SLFN12L: variants seen among roughly 807,000 people sequenced by gnomAD.
The protein encoded by SLFN12L is schlafen family member 12 like.
A neutral mutation model predicts 34.8 loss-of-function variants in SLFN12L; 34 were observed. The observed-to-expected ratio is 0.98, with a 90% CI of 0.74 to 1.30. The LOEUF (loss-of-function observed/expected upper bound fraction) is 1.30, where lower values mean the gene tolerates loss of function less well. SLFN12L is among the 50% of genes most tolerant of loss of function. The pLI is 0.00. For missense variants in SLFN12L, 703 were observed against 696.2 expected (o/e 1.01, Z -0.11); for synonymous variants, 259 against 247.5 (o/e 1.05, Z -0.44).
intron 2 of SLFN12L, among the ~76,000 whole-genome samples, chr17:35,505,322 C>T (rs1036622831): frequency 1.3e-4 from 20 of 152,130 alleles, no homozygotes; most frequent in Non-Finnish European, 2.9e-5. Context: ...GACTGTGGGG[C>T]CCTGGCTGAG....
chr17:35,475,615 A>G lies in SLFN12L; in HGVS notation c.1277-130T>C, dbSNP rs1465236776. On this transcript the variant is annotated intron_variant, in intron 4 of 4. Transcript: ENST00000628453. ...TATAAAAGCTATGTAAAAGTGTATC[A>G]GGGCCAGGCATGGTGGCTCACACCT... The G allele has an allele frequency of 2.5e-5, 35 of 1,377,326 alleles. No homozygotes were observed. In the Admixed American group the frequency reaches 8.3e-4, roughly 33 times the overall value. The allele number at this position is 1,377,326 out of a possible 1,614,324, so 85.3% of individuals were successfully genotyped here. A position where few individuals can be genotyped will look rare whatever the true frequency, so the allele number is the denominator to read the frequency against.
chr17:35,524,298 G>A (rs892950548), intron 1 of SLFN12L, among the ~76,000 whole-genome samples: 2 of 152,206 alleles, frequency 1.3e-5, no homozygotes, highest in African/African-American at 4.8e-5. Context: ...TGGGTGCAGT[G>A]TCAGCAGACT....
chr17:35,476,481 GGAAGGAAGGAAGGAA>G (rs1914018243), intron 4 of SLFN12L, among the ~76,000 whole-genome samples: 1 of 134,050 alleles, frequency 7.5e-6, no homozygotes, highest in African/African-American at 3.0e-5. Context: ...AAGGAAGGAA[GGAAGGAAGGAAGGAA>G]GGAAGGAAGG....
intron 2 of SLFN12L, among the ~76,000 whole-genome samples, chr17:35,492,307 T>C (rs1914868741): frequency 6.6e-6 from 1 of 152,080 alleles, no homozygotes; most frequent in Admixed American, 6.5e-5. Flanking sequence ...GGGTGACCCA[T>C]TGGAAAGGAG....
chr17:35,491,356 G>A, intron 2 of SLFN12L: 1 of 431,678 alleles, frequency 2.3e-6, no homozygotes. Context: ...GTATCATGAA[G>A]TAAACTACAA....
At position 35,480,123 on chromosome 17, in the gene SLFN12L, A is replaced by C. The variant is rs1317071198; in HGVS notation, c.159T>G (p.Tyr53Ter). The C allele has an allele frequency of 1.2e-5, 20 of 1,613,660 alleles. No individual in the cohort carries two copies. The highest frequency in any genetic ancestry group is 1.6e-5 in the Non-Finnish European group (19 of 1,179,918). Residue 53 changes from tyrosine (Y) to a stop codon, truncating the protein, a stop_gained, in exon 3 of 5, where the codon TAT becomes TAG. Transcript: ENST00000628453. LOFTEE classifies it high-confidence loss of function. ...MNISIDLDTN[Y>*]AELVLNVGRV... ...TTCCCACATTTAGAACCAGCTCAGC[A>C]TAGTTTGTGTCTAAATCAATACTGA...
At chr17:35,535,440 G>A (rs571690112) in intron 1 of SLFN12L, among the ~76,000 whole-genome samples, 309 of 148,594 alleles carry the variant, frequency 2.1e-3, no homozygotes, top group Non-Finnish European at 3.4e-3. Flanking sequence ...CAGGTGATCC[G>A]CCCACCTCAG....
chr17:35,476,481 GGAAGGAA>G (rs1914018113), intron 4 of SLFN12L, among the ~76,000 whole-genome samples: 1 of 134,050 alleles, frequency 7.5e-6, no homozygotes, highest in Non-Finnish European at 1.5e-5. Context: ...AAGGAAGGAA[GGAAGGAA>G]GGAAGGAAGG....
rs1916037518 is a variant in SLFN12L at position 35,522,781 on chromosome 17, G to C, written c.-417C>G. 6.3e-7 allele frequency: 1 copy of C among 1,585,418 alleles called. No individual in the cohort carries two copies. Among genetic ancestry groups the C allele is most frequent in the Non-Finnish European group, 8.6e-7 (1 of 1,157,174 alleles). ...CTGCCAGGGCTGTTCTATGCTATCA[G>C]CAGAGCATCACAGATGACTCCTGGC... On this transcript the variant is annotated 5_prime_UTR_variant, in exon 2 of 5. Coordinates refer to ENST00000628453, the MANE Select transcript of SLFN12L (RefSeq NM_001363830.2).
intron 2 of SLFN12L, chr17:35,487,751 C>G (rs756642574): frequency 2.5e-5 from 39 of 1,535,992 alleles, no homozygotes; most frequent in Non-Finnish European, 3.3e-5. Flanking sequence ...TCTGCGCACT[C>G]TTCACCAAGT....
At chr17:35,489,596 A>G (rs1347049340) in intron 2 of SLFN12L, among the ~76,000 whole-genome samples, 2 of 152,044 alleles carry the variant, frequency 1.3e-5, no homozygotes, top group African/African-American at 4.8e-5. Context: ...ATGCAGCAAT[A>G]TACCCCCCAA....
intron 2 of SLFN12L, among the ~76,000 whole-genome samples, chr17:35,497,054 C>T (rs1046766764): frequency 2.0e-5 from 3 of 152,236 alleles, no homozygotes; most frequent in Admixed American, 2.0e-4. Flanking sequence ...ATTGCTTGAG[C>T]CTAGGCAGCC....
At chr17:35,505,750 T>G (rs1049374218) in intron 2 of SLFN12L, among the ~76,000 whole-genome samples, 4 of 152,062 alleles carry the variant, frequency 2.6e-5, no homozygotes, top group Admixed American at 2.6e-4. Flanking sequence ...CCCTGTAAAG[T>G]GACTCTGAAG....
Position 35,495,776 on chromosome 17 carries a change from A to G in SLFN12L, c.87-15581T>C, listed in dbSNP as rs972144640. Among the ~76,000 whole-genome samples, 6 of 149,678 alleles carry G rather than the reference A, an allele frequency of 4.0e-5. No homozygotes were observed. In the East Asian group the frequency reaches 1.0e-3, roughly 25 times the overall value. ...AAGGATTAGACCGGGATCTGACACC[A>G]ACTGGCGCTGTCCTTCGCGCCCACT... On this transcript the variant is annotated intron_variant, in intron 2 of 4. Coordinates refer to ENST00000628453, the MANE Select transcript of SLFN12L (RefSeq NM_001363830.2).
intron 2 of SLFN12L, among the ~76,000 whole-genome samples, chr17:35,481,321 G>A (rs1914328700): frequency 6.6e-6 from 1 of 152,214 alleles, no homozygotes; most frequent in Non-Finnish European, 1.5e-5. Context: ...CATCAGTCAG[G>A]CCTGCCCGCA....
At chr17:35,498,193 G>GGGGCCGCCTGGGGAGCCA in intron 2 of SLFN12L, 2 of 687,978 alleles carry the variant, frequency 2.9e-6, no homozygotes, top group Non-Finnish European at 5.3e-6. Flanking sequence ...GTGGGGAGCC[G>GGGGCCGCCTGGGGAGCCA]GGGCCGCCTG....
intron 2 of SLFN12L, among the ~76,000 whole-genome samples, chr17:35,504,864 G>A (rs1273306839): frequency 1.3e-5 from 2 of 152,332 alleles, no homozygotes; most frequent in Admixed American, 6.5e-5. Context: ...CAGATGTGTG[G>A]TGGTATTGTG....
chr17:35,500,638 A>G (rs55810669), intron 2 of SLFN12L, among the ~76,000 whole-genome samples: 2,609 of 152,148 alleles, frequency 0.017, 93 homozygotes, highest in African/African-American at 0.06. Context: ...CTGAGGCAGG[A>G]GAATGGCATG....
chr17:35,495,234 T>C (rs1342640532), intron 2 of SLFN12L, among the ~76,000 whole-genome samples: 1 of 152,176 alleles, frequency 6.6e-6, no homozygotes, highest in Non-Finnish European at 1.5e-5. Flanking sequence ...TTGTTTATCT[T>C]GTTCACTGAG....
Sources: gnomAD v4.1 joint callset for allele counts (sites outside exome capture counted in the v4.1 genomes callset) on GRCh38, gnomAD v4.1.1 for gene constraint, MANE v1.5 for transcripts, NCBI Gene and HGNC (gene_info 2026-07-23, HGNC 2026-07-21) for gene names.